NCOA3: variants seen among roughly 807,000 people sequenced by gnomAD.
NCOA3 encodes the protein nuclear receptor coactivator 3.
NCOA3 carries 51 observed loss-of-function variants against 158.8 expected under a neutral mutation model. That is an observed-to-expected ratio of 0.32 (90% CI 0.26 to 0.41). NCOA3 has a LOEUF of 0.41. NCOA3 is among the 10% of genes least tolerant of loss of function. The pLI, the probability that NCOA3 is intolerant of heterozygous loss-of-function variation, is 1.00. For missense variants in NCOA3, 1,510 were observed against 1,746.6 expected, an observed-to-expected ratio of 0.86 and a Z score of 2.41; for synonymous variants, 537 against 592.4, an observed-to-expected ratio of 0.91 and a Z score of 1.36.
At chr20:47,560,524 T>C (rs2085081900) in intron 1 of NCOA3, among the ~76,000 whole-genome samples, 1 of 152,206 alleles carries the variant, frequency 6.6e-6, no homozygotes, top group South Asian at 2.1e-4. Flanking sequence ...AGCAATGAAT[T>C]AGAGTTCCTG....
chr20:47,602,021 A>C (rs959040299), intron 2 of NCOA3, among the ~76,000 whole-genome samples: 3 of 152,220 alleles, frequency 2.0e-5, no homozygotes, highest in African/African-American at 7.2e-5. Flanking sequence ...GCTTATCATT[A>C]ATATAAGAAA....
At chr20:47,571,373 A>G (rs2014650407) in intron 1 of NCOA3, among the ~76,000 whole-genome samples, 1 of 147,018 alleles carries the variant, frequency 6.8e-6, no homozygotes. Flanking sequence ...GCTGGAGTGC[A>G]GTTGCGTGAT....
At chr20:47,647,649 G>GT (rs978153757) in intron 18 of NCOA3, among the ~76,000 whole-genome samples, 22 of 151,328 alleles carry the variant, frequency 1.5e-4, no homozygotes, top group African/African-American at 3.9e-4. Context: ...GGTAGATAAG[G>GT]TTTTTTTTGA....
In NCOA3 at chr20:47,614,700, C is replaced by CT. The variant is rs576337609; in HGVS notation, c.-19-7525dup. Among the ~76,000 whole-genome samples the CT allele has an allele frequency of 9.4e-4, 143 of 152,192 alleles. 2 individuals are homozygous for CT. The highest frequency in any genetic ancestry group is 7.3e-3 in the Admixed American group (111 of 15,272). On this transcript the variant is annotated intron_variant, in intron 2 of 22. Coordinates refer to ENST00000371998, the MANE Select transcript of NCOA3 (RefSeq NM_181659.3). ...TTGTATATGTCGATCTCAAATTTTCCTTTTGCTGTGTGAGCCATTGACCAT... is the reference window on the plus strand; with the variant it reads ...TTGTATATGTCGATCTCAAATTTTCCTTTTTGCTGTGTGAGCCATTGACCAT...
At chr20:47,532,027 G>A (rs1461717322) in intron 1 of NCOA3, among the ~76,000 whole-genome samples, 5 of 151,854 alleles carry the variant, frequency 3.3e-5, no homozygotes, top group Admixed American at 6.6e-5. Flanking sequence ...TGCTAGCCAT[G>A]TGTTGCCTAT....
chr20:47,583,086 G>A (rs1045548429), intron 1 of NCOA3, 97 bp from the exon 2 acceptor site: 7 of 395,920 alleles, frequency 1.8e-5, no homozygotes, highest in Non-Finnish European at 3.1e-5. Context: ...GAGCCACCAC[G>A]CCCGGCTGGA....
chr20:47,606,467 A>G (rs2085949720), intron 2 of NCOA3, among the ~76,000 whole-genome samples: 1 of 152,150 alleles, frequency 6.6e-6, no homozygotes, highest in Non-Finnish European at 1.5e-5. Flanking sequence ...CTTCACTGCC[A>G]GGAGCTCATA....
At chr20:47,648,130 C>T (rs1290618954) in intron 18 of NCOA3, among the ~76,000 whole-genome samples, 2 of 152,004 alleles carry the variant, frequency 1.3e-5, no homozygotes, top group East Asian at 3.9e-4. Flanking sequence ...GTCTTGAACT[C>T]CTGACCTCAG....
intron 8 of NCOA3, among the ~76,000 whole-genome samples, chr20:47,633,088 A>G (rs2086449672): frequency 6.6e-6 from 1 of 152,182 alleles, no homozygotes. Context: ...TCCTTTAATT[A>G]CTTGGTCTTT....
intron 8 of NCOA3, chr20:47,631,208 T>G (rs2086411805): frequency 6.6e-6 from 1 of 152,232 alleles, no homozygotes; most frequent in African/African-American, 2.4e-5. Flanking sequence ...TAGTCTGAAT[T>G]TTCTAAGGGC....
In NCOA3 at chr20:47,642,218, T is replaced by C. The variant is rs767493426; in HGVS notation, c.3086T>C (p.Leu1029Pro). ...QVSHGTQNRP[L>P]LRNSLDDLVG... ...GATTGCAAGTCTTTTTCTAGGCCTC[T>C]TCTTAGGAATTCCCTGGATGATCTT... The change falls in exon 17 of 23, where the codon CTT becomes CCT. Residue 1029 changes from leucine to proline, a missense_variant. By Grantham distance (98) the Leu-to-Pro change is moderately conservative. This residue lies in a region of NCOA3 where 1,017 missense variants were observed against 1,098.3 expected (regional missense o/e 0.93). Coordinates refer to ENST00000371998, the MANE Select transcript of NCOA3 (RefSeq NM_181659.3). The C allele has an allele frequency of 6.3e-7, 1 of 1,581,466 alleles. No homozygotes were observed. Among genetic ancestry groups the C allele is most frequent in the African/African-American group, 1.4e-5 (1 of 72,818 alleles).
Position 47,528,194 on chromosome 20 carries a change from T to C in NCOA3, c.-99+26175T>C, listed in dbSNP as rs533624390. Among the ~76,000 whole-genome samples, 20 of 152,274 alleles carry C rather than the reference T, an allele frequency of 1.3e-4. 1 individual carries two copies. The South Asian group carries it at 2.5e-3, about 19-fold the overall frequency. On this transcript the variant is annotated intron_variant, in intron 1 of 22. Transcript: ENST00000371998. Reference sequence around the variant, plus strand: ...TCAAAATAACAGTTATGCTAACATATACTATAAGCTGCATTCTTTAATCCA... The same window carrying C: ...TCAAAATAACAGTTATGCTAACATACACTATAAGCTGCATTCTTTAATCCA...
intron 2 of NCOA3, among the ~76,000 whole-genome samples, chr20:47,617,546 A>G (rs1161601083): frequency 6.6e-6 from 1 of 152,174 alleles, no homozygotes; most frequent in East Asian, 1.9e-4. Context: ...TTATATCTTA[A>G]TCTACCAAAA....
Position 47,511,550 on chromosome 20 carries a change from T to TATATATATATATATATATATATACAC in NCOA3, c.-99+9537_-99+9538insATATATATATATATATACACATATAT. Among the ~76,000 whole-genome samples, 105 of 52,242 alleles carry TATATATATATATATATATATATACAC rather than the reference T, an allele frequency of 2.0e-3. 4 individuals carry two copies. Among genetic ancestry groups the TATATATATATATATATATATATACAC allele is most frequent in the East Asian group, 6.0e-3 (7 of 1,168 alleles). The allele number at this position is 52,242 out of a possible 152,430, so 34.3% of individuals were successfully genotyped here. A position where few individuals can be genotyped will look rare whatever the true frequency, so the allele number is the denominator to read the frequency against. On this transcript the variant is annotated intron_variant, in intron 1 of 22. Transcript: ENST00000371998. ...ATATATATATATATATATATATATATATATATTTCTTTTTTTTTTTGAGAC... is the reference window on the plus strand; with the variant it reads ...ATATATATATATATATATATATATATATATATATATATATATATATATACACATATATTTCTTTTTTTTTTTGAGAC...
At chr20:47,554,753 A>T (rs2084975904) in intron 1 of NCOA3, among the ~76,000 whole-genome samples, 1 of 152,180 alleles carries the variant, frequency 6.6e-6, no homozygotes, top group African/African-American at 2.4e-5. Flanking sequence ...GGGTAGGAAG[A>T]ATCAATATCG....
At chr20:47,510,592 T>C (rs1482041059) in intron 1 of NCOA3, among the ~76,000 whole-genome samples, 1 of 152,036 alleles carries the variant, frequency 6.6e-6, no homozygotes, top group Admixed American at 6.6e-5. Context: ...CATGGGACTT[T>C]TAAAAATTAA....
intron 1 of NCOA3, among the ~76,000 whole-genome samples, chr20:47,522,137 C>G (rs182940746): frequency 9.8e-6 from 1 of 101,842 alleles, no homozygotes; most frequent in East Asian, 2.6e-4. Context: ...CGGAGTCTTG[C>G]TGTCTCCTAG....
At chr20:47,530,772 T>G (rs925701965) in intron 1 of NCOA3, among the ~76,000 whole-genome samples, 5 of 152,210 alleles carry the variant, frequency 3.3e-5, no homozygotes, top group African/African-American at 1.2e-4. Context: ...GCCAACAATT[T>G]TAACTATTTT....
At chr20:47,650,959 T>A in intron 19 of NCOA3, 23 bp from the exon 20 acceptor site, 1 of 1,608,592 alleles carries the variant, frequency 6.2e-7, no homozygotes, top group Non-Finnish European at 8.5e-7. Flanking sequence ...ATATATGTAA[T>A]TGCACTCTTT....
Sources: allele counts gnomAD v4.1 joint callset (sites outside exome capture counted in the v4.1 genomes callset), GRCh38; gene constraint gnomAD v4.1.1; regional missense constraint gnomAD v4.1.1; transcripts MANE v1.5; gene names NCBI Gene and HGNC (gene_info 2026-07-23, HGNC 2026-07-21).